The following MEI4 variants were observed in gnomAD, a reference collection of about 807,000 sequenced individuals.
MEI4 encodes meiosis-specific protein MEI4.
MEI4 carries 27 observed loss-of-function variants against 31.4 expected under a neutral mutation model. The ratio of observed to expected loss-of-function variants is 0.86; its 90% CI spans 0.63 to 1.19. The LOEUF is 1.19. Ranked by LOEUF, MEI4 falls within the 50% of genes most tolerant of loss-of-function variation. The probability of loss-of-function intolerance (pLI) is 0.00; values close to 1 mark genes in which losing one functional copy is unlikely to be tolerated. For missense variants in MEI4, 329 were observed against 398.9 expected (o/e 0.82, Z 1.49); for synonymous variants, 122 against 145.4 (o/e 0.84, Z 1.16).
intron 3 of MEI4, among the ~76,000 whole-genome samples, chr6:77,809,433 G>A (rs1185967925): frequency 6.6e-6 from 1 of 152,146 alleles, no homozygotes; most frequent in African/African-American, 2.4e-5. Context: ...CTTTATATGT[G>A]AAAAGATAAT....
chr6:77,800,781 T>G (rs1769232119), intron 3 of MEI4, among the ~76,000 whole-genome samples: 2 of 152,238 alleles, frequency 1.3e-5, no homozygotes, highest in Non-Finnish European at 2.9e-5. Flanking sequence ...TCTGTTTATA[T>G]GCTGAATTAA....
chr6:77,892,297 G>A (rs1765980091), intron 4 of MEI4, among the ~76,000 whole-genome samples: 1 of 152,152 alleles, frequency 6.6e-6, no homozygotes, highest in African/African-American at 2.4e-5. Context: ...TGCTGCCAGT[G>A]GTGGTAAGGT....
chr6:77,726,343 TGATCTCTC>T (rs1766820434), intron 2 of MEI4, among the ~76,000 whole-genome samples: 1 of 151,670 alleles, frequency 6.6e-6, no homozygotes, highest in African/African-American at 2.4e-5. Flanking sequence ...AGTAACAATC[TGATCTCTC>T]TTGCTTTTCC....
chr6:77,915,625 T>A (rs1316949049), intron 4 of MEI4, among the ~76,000 whole-genome samples: 2 of 152,036 alleles, frequency 1.3e-5, no homozygotes, highest in Non-Finnish European at 2.9e-5. Flanking sequence ...GGTGATCTAG[T>A]GTTGGGTGCA....
At chr6:77,866,918 G>T (rs142708239) in intron 4 of MEI4, among the ~76,000 whole-genome samples, 3 of 152,038 alleles carry the variant, frequency 2.0e-5, no homozygotes, top group Non-Finnish European at 4.4e-5. Context: ...AAATAATGCC[G>T]CATATCTACA....
intron 2 of MEI4, among the ~76,000 whole-genome samples, chr6:77,754,932 T>C (rs1409418172): frequency 6.6e-6 from 1 of 152,132 alleles, no homozygotes; most frequent in Non-Finnish European, 1.5e-5. Context: ...ATGTGGGTAT[T>C]ACAGTTTGAG....
At position 77,734,384 on chromosome 6, in the gene MEI4, T is replaced by C. The variant is rs1447856785; in HGVS notation, c.233-26746T>C. On this transcript the variant is annotated intron_variant, in intron 2 of 4. Coordinates refer to ENST00000684080, the MANE Select transcript of MEI4 (RefSeq NM_001322247.2). ...TCTTGTTGAATTGATCTCTTTACCA[T>C]TATGTAATGGCCTTCTTTGTGTCTT... Among the ~76,000 whole-genome samples, 3 of 152,218 alleles carry C rather than the reference T, an allele frequency of 2.0e-5. No individual in the cohort carries two copies. In the East Asian group the frequency reaches 5.8e-4, roughly 29 times the overall value.
At chr6:77,841,608 C>T in intron 4 of MEI4, among the ~76,000 whole-genome samples, 1 of 151,660 alleles carries the variant, frequency 6.6e-6, no homozygotes, top group African/African-American at 2.4e-5. Context: ...TCCCAAAGTG[C>T]AGGGATTACA....
intron 4 of MEI4, among the ~76,000 whole-genome samples, chr6:77,909,794 A>C (rs1766389353): frequency 6.6e-6 from 1 of 152,238 alleles, no homozygotes; most frequent in African/African-American, 2.4e-5. Context: ...ATGAACATCC[A>C]TGCAAAAATC....
chr6:77,841,006 A>T (rs1770343312), intron 4 of MEI4, among the ~76,000 whole-genome samples: 1 of 152,116 alleles, frequency 6.6e-6, no homozygotes, highest in African/African-American at 2.4e-5. Flanking sequence ...AAGAAATGCT[A>T]AAAGCAGTGC....
intron 4 of MEI4, among the ~76,000 whole-genome samples, chr6:77,849,257 A>G (rs2127717612): frequency 6.6e-6 from 1 of 152,316 alleles, no homozygotes; most frequent in East Asian, 1.9e-4. Flanking sequence ...GTAGAGAACA[A>G]GTTGAAAACA....
intron 4 of MEI4, among the ~76,000 whole-genome samples, chr6:77,864,435 T>C (rs1407154898): frequency 6.6e-6 from 1 of 152,088 alleles, no homozygotes; most frequent in Non-Finnish European, 1.5e-5. Context: ...GCAATCCTAG[T>C]CTCTGATAAA....
intron 1 of MEI4, among the ~76,000 whole-genome samples, chr6:77,674,076 C>G (rs1768796685): frequency 6.6e-6 from 1 of 152,066 alleles, no homozygotes; most frequent in Non-Finnish European, 1.5e-5. Context: ...ATGTAATGTT[C>G]TGCTGCAAAA....
At chr6:77,916,803 TA>T (rs1394139204) in intron 4 of MEI4, among the ~76,000 whole-genome samples, 3 of 151,756 alleles carry the variant, frequency 2.0e-5, no homozygotes, top group Non-Finnish European at 4.4e-5. Flanking sequence ...AGTTTTAGGG[TA>T]CATGTGCACA....
Position 77,722,024 on chromosome 6 carries a change from C to T in MEI4, c.232+31121C>T, listed in dbSNP as rs1266986258. 3.3e-5 allele frequency among the ~76,000 whole-genome samples: 4 copies of T among 121,910 alleles called. 1 individual carries two copies. The highest frequency in any genetic ancestry group is 9.2e-5 in the African/African-American group (3 of 32,566). The allele number at this position is 121,910 out of a possible 152,430, so 80.0% of individuals were successfully genotyped here. On this transcript the variant is annotated intron_variant, in intron 2 of 4. Coordinates refer to ENST00000684080, the MANE Select transcript of MEI4 (RefSeq NM_001322247.2). ...AAGCATTCCCTGAGGTAACACTTTC[C>T]ACTGAAACCTGGTGGCTGGTTCTTT...
intron 4 of MEI4, among the ~76,000 whole-genome samples, chr6:77,891,803 T>C (rs528508215): frequency 8.5e-5 from 13 of 152,354 alleles, no homozygotes; most frequent in African/African-American, 3.1e-4. Context: ...GTTGTATCTA[T>C]AATGTTGATT....
At chr6:77,917,504 C>CATT (rs1766589316) in intron 4 of MEI4, among the ~76,000 whole-genome samples, 1 of 148,462 alleles carries the variant, frequency 6.7e-6, no homozygotes, top group African/African-American at 2.5e-5. Context: ...TTTTGATTTG[C>CATT]ATTTCTCTGA....
At chr6:77,869,697 G>A (rs2127724856) in intron 4 of MEI4, among the ~76,000 whole-genome samples, 1 of 152,240 alleles carries the variant, frequency 6.6e-6, no homozygotes, top group African/African-American at 2.4e-5. Flanking sequence ...AACACAGTTA[G>A]GATGGACCTC....
At chr6:77,923,019 A>G (rs1165962424) in intron 4 of MEI4, 70 bp from the exon 5 acceptor site, 8 of 956,404 alleles carry the variant, frequency 8.4e-6, no homozygotes, top group African/African-American at 1.7e-5. Context: ...AAACTCTGAT[A>G]TCTTTATATG....
Sources: allele counts gnomAD v4.1 joint callset (sites outside exome capture counted in the v4.1 genomes callset), GRCh38; gene constraint gnomAD v4.1.1; transcripts MANE v1.5; gene names NCBI Gene and HGNC (gene_info 2026-07-23, HGNC 2026-07-21).